The following CPED1 variants were observed in gnomAD, a reference collection of about 807,000 sequenced individuals.
The protein encoded by CPED1 is cadherin-like and PC-esterase domain-containing protein 1.
Under a neutral mutation model 128.2 loss-of-function variants are expected in CPED1, and 114 were observed. The ratio of observed to expected loss-of-function variants is 0.89; its 90% CI spans 0.76 to 1.04. The LOEUF is 1.04. Ranked by LOEUF, CPED1 falls within the 50% of genes least tolerant of loss-of-function variation. The probability of loss-of-function intolerance (pLI) is 0.00; values close to 1 mark genes in which losing one functional copy is unlikely to be tolerated. For missense variants in CPED1, 1,211 were observed against 1,207.1 expected (o/e 1.00, Z -0.05); for synonymous variants, 462 against 426.7 (o/e 1.08, Z -1.02).
chr7:121,015,175 C>T (rs1792268149), intron 2 of CPED1, among the ~76,000 whole-genome samples: 1 of 152,174 alleles, frequency 6.6e-6, no homozygotes, highest in African/African-American at 2.4e-5. Context: ...GAAACTGCAG[C>T]ACTGTTTATC....
rs998956895 is a variant in CPED1, at chr7:121,295,308, T to G, written c.2869-132T>G. 3 of 1,093,452 alleles carry G rather than the reference T, an allele frequency of 2.7e-6. No individual in the cohort carries two copies. In the South Asian group the frequency reaches 5.1e-5, roughly 18 times the overall value. The allele number at this position is 1,093,452 out of a possible 1,614,324, so 67.7% of individuals were successfully genotyped here. A position where few individuals can be genotyped will look rare whatever the true frequency, so the allele number is the denominator to read the frequency against. On this transcript the variant is annotated intron_variant, in intron 22 of 22. Transcript: ENST00000310396. Reference sequence around the variant, plus strand: ...AACATAAGTTATAGCCATTCCTGGTTATGTAAGTCATAGTCATGCCCTTTT... The same window carrying G: ...AACATAAGTTATAGCCATTCCTGGTGATGTAAGTCATAGTCATGCCCTTTT...
At chr7:121,276,460 C>G (rs1219374989) in intron 22 of CPED1, among the ~76,000 whole-genome samples, 3 of 152,030 alleles carry the variant, frequency 2.0e-5, no homozygotes, top group African/African-American at 7.2e-5. Flanking sequence ...AGTTCTTGAA[C>G]TAAACAGTAG....
In CPED1 at chr7:121,266,657, T is replaced by A. The variant is rs200108227; in HGVS notation, c.2532-50T>A. On this transcript the variant is annotated intron_variant, in intron 19 of 22. Transcript: ENST00000310396. ...ATGTGAGGCAGTGCAGTTACAATGT[T>A]TACCTTCTGTTTTAGGGCAACATGT... 7.5e-4 allele frequency: 1,068 copies of A among 1,426,370 alleles called. 1 individual carries two copies. Among genetic ancestry groups the A allele is most frequent in the Non-Finnish European group, 9.0e-4 (908 of 1,009,862 alleles). The allele number at this position is 1,426,370 out of a possible 1,614,324, so 88.4% of individuals were successfully genotyped here. A position where few individuals can be genotyped will look rare whatever the true frequency, so the allele number is the denominator to read the frequency against.
intron 16 of CPED1, among the ~76,000 whole-genome samples, chr7:121,165,121 C>G (rs551276234): frequency 6.6e-6 from 1 of 151,866 alleles, no homozygotes; most frequent in Non-Finnish European, 1.5e-5. Flanking sequence ...TTTATTTGCC[C>G]TTGTTAAACA....
At position 121,149,048 on chromosome 7, in the gene CPED1, G is replaced by A. The variant is rs189359124; in HGVS notation, c.2055+6907G>A. Among the ~76,000 whole-genome samples the A allele has an allele frequency of 2.6e-4, 40 of 152,146 alleles. No individual in the cohort carries two copies. In the South Asian group the frequency reaches 2.9e-3, roughly 11 times the overall value. ...TCAATATCAAATGACCTGGGCTGTC[G>A]GCGTTCTTTCAAGTCTTGTTAAGTG... is the stretch of plus-strand genomic sequence containing the variant. On this transcript the variant is annotated intron_variant, in intron 16 of 22. Coordinates refer to ENST00000310396, the MANE Select transcript of CPED1 (RefSeq NM_024913.5).
intron 18 of CPED1, among the ~76,000 whole-genome samples, chr7:121,258,818 A>G (rs1371949858): frequency 6.6e-6 from 1 of 152,096 alleles, no homozygotes; most frequent in Non-Finnish European, 1.5e-5. Flanking sequence ...AATTTTTAAC[A>G]GTGAGAATCC....
At chr7:121,094,953 C>T (rs1308655239) in intron 5 of CPED1, among the ~76,000 whole-genome samples, 1 of 152,136 alleles carries the variant, frequency 6.6e-6, no homozygotes, top group African/African-American at 2.4e-5. Flanking sequence ...CAGCACTATC[C>T]ACCATATGGT....
In CPED1 at chr7:121,109,601, G is replaced by A. The variant is rs190418583; in HGVS notation, c.918+9507G>A. On this transcript the variant is annotated intron_variant, in intron 7 of 22. Coordinates refer to ENST00000310396, the MANE Select transcript of CPED1 (RefSeq NM_024913.5). ...GAATCTAACAGTTCCAGGTACCATA[G>A]CCTCATCAATCTGTTTAAAAAACAT... Among the ~76,000 whole-genome samples, 361 of 152,196 alleles carry A rather than the reference G, an allele frequency of 2.4e-3. 1 individual carries two copies. The highest frequency in any genetic ancestry group is 5.7e-3 in the Admixed American group (87 of 15,260).
chr7:121,059,681 A>G (rs1793600690), intron 4 of CPED1, among the ~76,000 whole-genome samples: 1 of 99,002 alleles, frequency 1.0e-5, no homozygotes, highest in African/African-American at 2.8e-5. Context: ...AAATGGTTAT[A>G]ATTAATATAT....
chr7:121,047,653 T>TCTTCCTCTTCC (rs1563004737), intron 4 of CPED1, among the ~76,000 whole-genome samples: 6 of 5,058 alleles, frequency 1.2e-3, no homozygotes, highest in African/African-American at 2.1e-3. Context: ...ACCTTTCTTC[T>TCTTCCTCTTCC]TCTTCTTCTT....
chr7:121,041,750 G>C (rs186527708), intron 3 of CPED1, among the ~76,000 whole-genome samples: 1 of 152,240 alleles, frequency 6.6e-6, no homozygotes, highest in Non-Finnish European at 1.5e-5. Flanking sequence ...TCTAAAAATT[G>C]CTCTTACTTT....
intron 22 of CPED1, among the ~76,000 whole-genome samples, chr7:121,287,291 ACACT>A (rs920626294): frequency 3.9e-5 from 6 of 152,008 alleles, no homozygotes; most frequent in African/African-American, 1.4e-4. Context: ...ACACACACAC[ACACT>A]CACACACTCA....
Position 121,039,806 on chromosome 7 carries a change from A to G in CPED1, c.434-7081A>G, listed in dbSNP as rs1270656211. 3.3e-5 allele frequency among the ~76,000 whole-genome samples: 5 copies of G among 152,212 alleles called. No individual in the cohort carries two copies. In the South Asian group the frequency reaches 1.0e-3, roughly 32 times the overall value. On this transcript the variant is annotated intron_variant, in intron 3 of 22. Transcript: ENST00000310396. ...CATTTCTTAAAGGATTTATTTCACA[A>G]AAGTAAACTCATTGATTTCCTTTTA...
intron 14 of CPED1, among the ~76,000 whole-genome samples, chr7:121,139,141 A>G (rs1030117236): frequency 6.6e-6 from 1 of 152,032 alleles, no homozygotes; most frequent in African/African-American, 2.4e-5. Context: ...CAGTCCACCT[A>G]CATCTATCAG....
intron 16 of CPED1, among the ~76,000 whole-genome samples, chr7:121,177,942 A>G (rs570061437): frequency 6.6e-6 from 1 of 152,222 alleles, no homozygotes; most frequent in East Asian, 1.9e-4. Flanking sequence ...CTAGGATTTA[A>G]TCCCTTATTG....
At chr7:121,226,633 A>G (rs1798020773) in intron 16 of CPED1, among the ~76,000 whole-genome samples, 2 of 152,066 alleles carry the variant, frequency 1.3e-5, no homozygotes, top group Admixed American at 1.3e-4. Context: ...GCTGGTTTAA[A>G]TTTATATGCA....
At chr7:121,155,554 A>G (rs1040986135) in intron 16 of CPED1, among the ~76,000 whole-genome samples, 12 of 152,162 alleles carry the variant, frequency 7.9e-5, no homozygotes, top group African/African-American at 2.4e-4. Flanking sequence ...GCTATAATCC[A>G]TGCATTTACA....
chr7:121,068,651 GA>G (rs1225692296), intron 5 of CPED1, among the ~76,000 whole-genome samples: 5 of 149,512 alleles, frequency 3.3e-5, no homozygotes, highest in Non-Finnish European at 6.0e-5. Context: ...ATTCTTTGAA[GA>G]AAGTCATTGG....
chr7:121,201,486 G>C (rs1331214212), intron 16 of CPED1, among the ~76,000 whole-genome samples: 2 of 146,968 alleles, frequency 1.4e-5, no homozygotes, highest in Non-Finnish European at 3.0e-5. Flanking sequence ...GTGAGAGACA[G>C]AGAGAGAGAG....
Sources: allele counts gnomAD v4.1 joint callset (sites outside exome capture counted in the v4.1 genomes callset), GRCh38; gene constraint gnomAD v4.1.1; transcripts MANE v1.5; gene names NCBI Gene and HGNC (gene_info 2026-07-23, HGNC 2026-07-21).